ARHGAP32: variants seen among roughly 807,000 people sequenced by gnomAD.
ARHGAP32 encodes rho GTPase-activating protein 32.
Under a neutral mutation model 186.5 loss-of-function variants are expected in ARHGAP32, and 51 were observed. The ratio of observed to expected loss-of-function variants is 0.27; its 90% CI spans 0.22 to 0.35. The LOEUF (loss-of-function observed/expected upper bound fraction) is 0.35, where lower values mean the gene tolerates loss of function less well. ARHGAP32 is among the 10% of genes least tolerant of loss of function. The pLI, the probability that ARHGAP32 is intolerant of heterozygous loss-of-function variation, is 1.00. For synonymous variants in ARHGAP32, 950 were observed against 964.3 expected, an observed-to-expected ratio of 0.99 and a Z score of 0.27; for missense variants, 2,186 against 2,623.5, an observed-to-expected ratio of 0.83 and a Z score of 3.64.
chr11:129,189,374 A>G (rs1219162538), intron 1 of ARHGAP32, among the ~76,000 whole-genome samples: 1 of 152,198 alleles, frequency 6.6e-6, no homozygotes, highest in Non-Finnish European at 1.5e-5. Flanking sequence ...GCTTTATAGG[A>G]GTGATAAGCA....
chr11:129,116,790 G>T (rs1229162709), intron 5 of ARHGAP32, among the ~76,000 whole-genome samples: 1 of 151,854 alleles, frequency 6.6e-6, no homozygotes, highest in Non-Finnish European at 1.5e-5. Flanking sequence ...CTGTCCTTGG[G>T]TCATCAGGAC....
Position 128,967,100 on chromosome 11 carries a change from G to C in ARHGAP32, c.*1807C>G, listed in dbSNP as rs1591478218. ...TGCATCCCTCCAATGAATTCTAAGGGAACAAAAGAAAACCTTATAGAATAT... is the reference window on the plus strand; with the variant it reads ...TGCATCCCTCCAATGAATTCTAAGGCAACAAAAGAAAACCTTATAGAATAT... On this transcript the variant is annotated 3_prime_UTR_variant, in exon 23 of 23. Coordinates refer to ENST00000682385, the MANE Select transcript of ARHGAP32 (RefSeq NM_001378024.1). 1 of 152,048 alleles carries C rather than the reference G, an allele frequency of 6.6e-6. No homozygotes were observed. Among genetic ancestry groups the C allele is most frequent in the East Asian group, 1.9e-4 (1 of 5,194 alleles). 9.4% of individuals were successfully genotyped at this position (152,048 alleles called of 1,614,324 possible).
rs866688205 is a variant in ARHGAP32, at chr11:128,970,513, C to A, written c.4700G>T (p.Ser1567Ile). Residue 1567 changes from serine to isoleucine, a missense_variant, in exon 23 of 23, where the codon AGC (serine) becomes ATC (isoleucine). By Grantham distance (142) the Ser-to-Ile change is moderately radical (BLOSUM62 -2). Around this residue, in one of 5 missense-constraint regions of ARHGAP32, gnomAD observed 1,502 missense variants for 1,570.0 expected, o/e 0.96. Transcript: ENST00000682385. This position sits in a 1 kb window ranked among gnomAD's most constrained non-coding sequence, Gnocchi z 5.8. ...CAAAGAAGACACATACTCGACCCGG[C>A]TGCATGGCTTGGAGTGGTGTCCAGA... ...NASGHHSKPC[S>I]RVEYVSSLSS... 1.2e-6 allele frequency: 2 copies of A among 1,614,072 alleles called. No individual in the cohort carries two copies. Among genetic ancestry groups the A allele is most frequent in the African/African-American group, 2.7e-5 (2 of 74,914 alleles).
chr11:129,029,591 C>T (rs1939010160), intron 11 of ARHGAP32, among the ~76,000 whole-genome samples: 2 of 152,026 alleles, frequency 1.3e-5, no homozygotes, highest in Admixed American at 6.6e-5. Flanking sequence ...ATCATGAGGT[C>T]AGGAGATCGA....
chr11:129,147,409 GAA>G (rs1943188925), intron 2 of ARHGAP32, among the ~76,000 whole-genome samples: 1 of 152,068 alleles, frequency 6.6e-6, no homozygotes, highest in Admixed American at 6.5e-5. Context: ...CAGATTTACT[GAA>G]GATTTAAAAA....
At chr11:129,191,193 A>T (rs1364859478) in intron 1 of ARHGAP32, among the ~76,000 whole-genome samples, 3 of 152,200 alleles carry the variant, frequency 2.0e-5, no homozygotes, top group Non-Finnish European at 4.4e-5. Flanking sequence ...CACCTATCCA[A>T]GTTCTCATAG....
chr11:129,185,289 C>T (rs1478270337), intron 1 of ARHGAP32, among the ~76,000 whole-genome samples: 3 of 152,168 alleles, frequency 2.0e-5, no homozygotes, highest in Non-Finnish European at 4.4e-5. Context: ...ATGATGAGGT[C>T]ATGTCCTTTG....
intron 16 of ARHGAP32, 91 bp from the exon 17 acceptor site, chr11:128,981,652 G>A: frequency 7.2e-7 from 1 of 1,398,500 alleles, no homozygotes; most frequent in Non-Finnish European, 9.8e-7. Flanking sequence ...GACAAACAGA[G>A]GAAGAAATCA....
At chr11:129,035,100 A>G (rs1266894720) in intron 11 of ARHGAP32, among the ~76,000 whole-genome samples, 2 of 152,008 alleles carry the variant, frequency 1.3e-5, no homozygotes, top group African/African-American at 2.4e-5. Flanking sequence ...ATCTTCCACT[A>G]TATCATGCCC....
intron 11 of ARHGAP32, among the ~76,000 whole-genome samples, chr11:129,017,256 C>T (rs1938391748): frequency 6.6e-6 from 1 of 152,098 alleles, no homozygotes; most frequent in Admixed American, 6.5e-5. Context: ...GAGTTCGAGA[C>T]CAGCCTGGCC....
chr11:129,054,459 G>T (rs750933704), intron 10 of ARHGAP32, among the ~76,000 whole-genome samples: 2 of 152,146 alleles, frequency 1.3e-5, no homozygotes, highest in Non-Finnish European at 2.9e-5. Context: ...AGATTCTGAT[G>T]ATCAATACCC....
At chr11:129,126,730 C>A (rs1001302626) in intron 2 of ARHGAP32, among the ~76,000 whole-genome samples, 1 of 151,890 alleles carries the variant, frequency 6.6e-6, no homozygotes, top group African/African-American at 2.4e-5. Flanking sequence ...ATTGAGTGAA[C>A]AATATATTTC....
intron 1 of ARHGAP32, among the ~76,000 whole-genome samples, chr11:129,273,219 G>A (rs1945492287): frequency 6.6e-6 from 1 of 152,148 alleles, no homozygotes; most frequent in African/African-American, 2.4e-5. Context: ...CCTCCTGAGG[G>A]CAAAGACTCA....
intron 12 of ARHGAP32, among the ~76,000 whole-genome samples, chr11:128,994,181 TCTCG>T (rs1946138854): frequency 2.0e-5 from 3 of 150,630 alleles, no homozygotes; most frequent in Non-Finnish European, 3.0e-5. Context: ...TGAGATGGAG[TCTCG>T]CTCTTGTTGC....
intron 1 of ARHGAP32, among the ~76,000 whole-genome samples, chr11:129,249,353 A>C (rs1008476926): frequency 3.9e-5 from 6 of 152,200 alleles, no homozygotes; most frequent in African/African-American, 1.2e-4. Context: ...ACATATATAC[A>C]TACACCAGAG....
intron 1 of ARHGAP32, among the ~76,000 whole-genome samples, chr11:129,219,170 T>C (rs1944682600): frequency 6.6e-6 from 1 of 152,180 alleles, no homozygotes; most frequent in Admixed American, 6.5e-5. Context: ...TTAGAATTCT[T>C]CTCCCATTTG....
intron 1 of ARHGAP32, among the ~76,000 whole-genome samples, chr11:129,265,986 T>C (rs981152440): frequency 6.6e-6 from 1 of 152,116 alleles, no homozygotes; most frequent in Non-Finnish European, 1.5e-5. Context: ...TTCTGTTTAG[T>C]AGGGATTAAA....
intron 2 of ARHGAP32, among the ~76,000 whole-genome samples, chr11:129,157,748 C>T (rs479912): frequency 0.13 from 19,807 of 151,918 alleles, 1,415 homozygotes; most frequent in Non-Finnish European, 0.16. Flanking sequence ...AGATACTCCT[C>T]GAGAAAAACA....
rs780259608 is a variant in ARHGAP32, at chr11:128,969,961, T to C, written c.5252A>G (p.His1751Arg). ...VSMPPAADVK[H>R]TYTSWDLEDM... ...CTCAAGATCCCATGAGGTGTAGGTG[T>C]GCTTCACATCAGCAGCCGGAGGCAT... Residue 1751 changes from histidine to arginine, a missense_variant, in exon 23 of 23, where the codon CAC (histidine) becomes CGC (arginine). Physicochemically the swap from His to Arg is conservative, Grantham distance 29 (BLOSUM62 0). Transcript: ENST00000682385. The surrounding 1 kb of genome is among the most constrained non-coding windows in gnomAD (Gnocchi z 4.8). The C allele has an allele frequency of 1.9e-6, 3 of 1,614,192 alleles. No homozygotes were observed. In the South Asian group the frequency reaches 3.3e-5, roughly 18 times the overall value.
Sources: allele counts gnomAD v4.1 joint callset (sites outside exome capture counted in the v4.1 genomes callset), GRCh38; gene constraint gnomAD v4.1.1; regional missense constraint gnomAD v4.1.1; non-coding constraint Gnocchi (gnomAD v3.1); transcripts MANE v1.5; gene names NCBI Gene and HGNC (gene_info 2026-07-23, HGNC 2026-07-21).